RAB11FIP4: variants seen among roughly 807,000 people sequenced by gnomAD.
The protein encoded by RAB11FIP4 is rab11 family-interacting protein 4.
A neutral mutation model predicts 74.3 loss-of-function variants in RAB11FIP4; 23 were observed. The observed-to-expected ratio is 0.31, with a 90% CI of 0.22 to 0.44. The LOEUF is 0.44. RAB11FIP4 is among the 20% of genes least tolerant of loss of function. The pLI, the probability that RAB11FIP4 is intolerant of heterozygous loss-of-function variation, is 1.00. For missense variants in RAB11FIP4, 630 were observed against 863.9 expected (o/e 0.73, Z 3.39); for synonymous variants, 360 against 359.9 (o/e 1.00, Z 0.00).
At chr17:31,429,322 C>T (rs1362641536) in intron 1 of RAB11FIP4, among the ~76,000 whole-genome samples, 4 of 152,140 alleles carry the variant, frequency 2.6e-5, no homozygotes, top group African/African-American at 7.2e-5. Flanking sequence ...GCAGTGAGGT[C>T]GGGAGATACT....
chr17:31,525,834 GC>G (rs1421320328), intron 10 of RAB11FIP4: 3 of 152,720 alleles, frequency 2.0e-5, no homozygotes, highest in Admixed American at 1.3e-4. Flanking sequence ...CTGTGATGAA[GC>G]CCCTTTGCGG....
intron 3 of RAB11FIP4, among the ~76,000 whole-genome samples, chr17:31,505,457 T>A (rs1266025199): frequency 2.1e-5 from 2 of 96,634 alleles, no homozygotes; most frequent in Non-Finnish European, 3.8e-5. Flanking sequence ...ATAATAATTA[T>A]TATAACATAT....
chr17:31,475,456 G>T (rs1283990571), intron 3 of RAB11FIP4, among the ~76,000 whole-genome samples: 1 of 152,230 alleles, frequency 6.6e-6, no homozygotes, highest in Non-Finnish European at 1.5e-5. Context: ...GATGTGAGCT[G>T]TTGCTACGCT....
At chr17:31,495,714 G>A (rs1274756630) in intron 3 of RAB11FIP4, among the ~76,000 whole-genome samples, 4 of 152,168 alleles carry the variant, frequency 2.6e-5, no homozygotes, top group African/African-American at 7.2e-5. Flanking sequence ...GTGAAATGAG[G>A]GTTCTTGTTG....
intron 1 of RAB11FIP4, among the ~76,000 whole-genome samples, chr17:31,420,520 A>G (rs2071188965): frequency 6.6e-6 from 1 of 151,770 alleles, no homozygotes; most frequent in Non-Finnish European, 1.5e-5. Context: ...GGTGTGAGCC[A>G]CTGTGCTCAG....
At chr17:31,412,616 G>T (rs912987906) in intron 1 of RAB11FIP4, among the ~76,000 whole-genome samples, 1 of 152,226 alleles carries the variant, frequency 6.6e-6, no homozygotes, top group African/African-American at 2.4e-5. Flanking sequence ...ACCACGGATA[G>T]GAAGGGGCGG....
In RAB11FIP4 at chr17:31,407,484, T is replaced by G. The variant is rs143708069; in HGVS notation, c.159+15473T>G. Among the ~76,000 whole-genome samples, 214 of 152,354 alleles carry G rather than the reference T, an allele frequency of 1.4e-3. 1 individual carries two copies. Among genetic ancestry groups the G allele is most frequent in the African/African-American group, 4.9e-3 (203 of 41,592 alleles). On this transcript the variant is annotated intron_variant, in intron 1 of 14. Coordinates refer to ENST00000621161, the MANE Select transcript of RAB11FIP4 (RefSeq NM_032932.6). Reference sequence around the variant, plus strand: ...TTTCTCCCATAAATACTTGACAGTTTCCTGCCCAAATGCAGTGCCATGATC... The same window carrying G: ...TTTCTCCCATAAATACTTGACAGTTGCCTGCCCAAATGCAGTGCCATGATC...
At chr17:31,402,926 G>C (rs2071007012) in intron 1 of RAB11FIP4, among the ~76,000 whole-genome samples, 1 of 151,658 alleles carries the variant, frequency 6.6e-6, no homozygotes, top group Non-Finnish European at 1.5e-5. Context: ...CGCCTGGCCA[G>C]ATTATTTTTA....
intron 3 of RAB11FIP4, among the ~76,000 whole-genome samples, chr17:31,510,571 C>T (rs2072433898): frequency 6.6e-6 from 1 of 152,174 alleles, no homozygotes; most frequent in African/African-American, 2.4e-5. Context: ...TTCTTGGACT[C>T]CCTTCCCCAG....
chr17:31,457,210 G>A (rs990747579), intron 3 of RAB11FIP4, among the ~76,000 whole-genome samples: 1 of 152,146 alleles, frequency 6.6e-6, no homozygotes, highest in African/African-American at 2.4e-5. Flanking sequence ...CTTCCTCACA[G>A]GTTCTCGACT....
chr17:31,485,226 C>T (rs1287842701), intron 3 of RAB11FIP4, among the ~76,000 whole-genome samples: 1 of 152,358 alleles, frequency 6.6e-6, no homozygotes, highest in South Asian at 2.1e-4. Context: ...GGCTTCAAAC[C>T]CAGGAGTGTT....
rs2070938255 is a variant in RAB11FIP4 at position 31,397,059 on chromosome 17, G to T, written c.159+5048G>T. On this transcript the variant is annotated intron_variant, in intron 1 of 14. Coordinates refer to ENST00000621161, the MANE Select transcript of RAB11FIP4 (RefSeq NM_032932.6). ...CTGAGACCGGCCAGGAGCCAGCCCTGGGGCTGGGATCGATGTCTTTTGAGA... is the reference window on the plus strand; with the variant it reads ...CTGAGACCGGCCAGGAGCCAGCCCTTGGGCTGGGATCGATGTCTTTTGAGA... Among the ~76,000 whole-genome samples, 3 of 152,186 alleles carry T rather than the reference G, an allele frequency of 2.0e-5. No homozygotes were observed. The South Asian group carries it at 6.2e-4, about 32-fold the overall frequency.
intron 3 of RAB11FIP4, among the ~76,000 whole-genome samples, chr17:31,450,321 T>TTTATTATCATTA (rs2071512833): frequency 1.5e-5 from 2 of 137,792 alleles, no homozygotes; most frequent in Non-Finnish European, 3.1e-5. Flanking sequence ...CGCCACCGGC[T>TTTATTATCATTA]TTATTATTAT....
intron 3 of RAB11FIP4, among the ~76,000 whole-genome samples, chr17:31,486,209 G>A (rs2071900136): frequency 6.6e-6 from 1 of 152,006 alleles, no homozygotes; most frequent in South Asian, 2.1e-4. Flanking sequence ...ACTCCAGCCT[G>A]GGCAACAGAA....
chr17:31,498,923 A>T (rs1450765526), intron 3 of RAB11FIP4, among the ~76,000 whole-genome samples: 1 of 152,158 alleles, frequency 6.6e-6, no homozygotes, highest in Non-Finnish European at 1.5e-5. Flanking sequence ...AGCAAGCCCC[A>T]CAGACTCTTG....
intron 1 of RAB11FIP4, among the ~76,000 whole-genome samples, chr17:31,422,658 G>A (rs574956558): frequency 1.1e-4 from 16 of 151,938 alleles, no homozygotes; most frequent in Non-Finnish European, 1.8e-4. Context: ...ATCACTGTTT[G>A]TACTGTGATT....
In RAB11FIP4 at chr17:31,421,619, C is replaced by T. The variant is rs149997615; in HGVS notation, c.160-10194C>T. Among the ~76,000 whole-genome samples the T allele has an allele frequency of 3.7e-3, 548 of 148,990 alleles. 4 individuals are homozygous for T. The highest frequency in any genetic ancestry group is 0.013 in the African/African-American group (521 of 40,334). On this transcript the variant is annotated intron_variant, in intron 1 of 14. Coordinates refer to ENST00000621161, the MANE Select transcript of RAB11FIP4 (RefSeq NM_032932.6). ...TTGCCCAGGCTGGAGTGCAATAGCG[C>T]AATCTCGGCTCACTGCAAACTTCGC...
intron 3 of RAB11FIP4, chr17:31,488,256 C>G: frequency 8.5e-7 from 1 of 1,170,240 alleles, no homozygotes; most frequent in Non-Finnish European, 1.1e-6. Flanking sequence ...CGCACCCCGC[C>G]AGCTCTCGGG....
chr17:31,405,893 A>T (rs1007960414), intron 1 of RAB11FIP4, among the ~76,000 whole-genome samples: 4 of 151,976 alleles, frequency 2.6e-5, no homozygotes, highest in African/African-American at 9.7e-5. Flanking sequence ...CTGTGCCTGA[A>T]TCTGTTCTAG....
Sources: allele counts gnomAD v4.1 joint callset (sites outside exome capture counted in the v4.1 genomes callset), GRCh38; gene constraint gnomAD v4.1.1; transcripts MANE v1.5; gene names NCBI Gene and HGNC (gene_info 2026-07-23, HGNC 2026-07-21).